The following FKRP variants were observed in gnomAD, a reference collection of about 807,000 sequenced individuals.
FKRP encodes the protein fukutin related protein, also known as ribitol 5-phosphate transferase FKRP.
A neutral mutation model predicts 30.6 loss-of-function variants in FKRP; 25 were observed. The ratio of observed to expected loss-of-function variants is 0.82; its 90% CI spans 0.60 to 1.14. The LOEUF is 1.14. FKRP is among the 50% of genes most tolerant of loss of function. The pLI, the probability that FKRP is intolerant of heterozygous loss-of-function variation, is 0.00. For missense variants in FKRP, 771 were observed against 727.8 expected (o/e 1.06, Z -0.68); for synonymous variants, 358 against 342.5 (o/e 1.05, Z -0.50).
chr19:46,756,802 C>T lies in FKRP; in HGVS notation c.1352C>T (p.Pro451Leu), dbSNP rs886044542. 3.1e-5 allele frequency: 50 copies of T among 1,601,030 alleles called. No individual in the cohort carries two copies. The highest frequency in any genetic ancestry group is 8.6e-5 in the Admixed American group (5 of 57,940). Residue 451 changes from proline to leucine, a missense_variant, in exon 4 of 4, where the codon CCC becomes CTC. Transcript: ENST00000318584. The surrounding 1 kb of genome is among the most constrained non-coding windows in gnomAD (Gnocchi z 6.6). ...FPEHFLQPLV[P>L]LPFAGFVAQA... ...GAGCACTTCCTGCAGCCGCTGGTGC[C>T]CCTGCCCTTTGCCGGCTTCGTGGCG...
chr19:46,748,885 G>A (rs1053754393), intron 3 of FKRP: 2 of 152,206 alleles, frequency 1.3e-5, no homozygotes, highest in Non-Finnish European at 2.9e-5. Context: ...GGGATTACAG[G>A]TGCGCACCAC....
chr19:46,749,773 A>C (rs2054751442), intron 3 of FKRP, among the ~76,000 whole-genome samples: 1 of 150,680 alleles, frequency 6.6e-6, no homozygotes, highest in Non-Finnish European at 1.5e-5. Context: ...GCTGGAGTGC[A>C]GTGGCACAAT....
chr19:46,757,196 C>A lies in FKRP; in HGVS notation c.*258C>A. ...GGATATGCGTGGGGACATCCTGGGT[C>A]ATCTCAGTCATGGAGGGAGACGGGG... On this transcript the variant is annotated 3_prime_UTR_variant, in exon 4 of 4. Coordinates refer to ENST00000318584, the MANE Select transcript of FKRP (RefSeq NM_024301.5). 3 of 591,322 alleles carry A rather than the reference C, an allele frequency of 5.1e-6. No individual in the cohort carries two copies. Among genetic ancestry groups the A allele is most frequent in the East Asian group, 3.0e-5 (1 of 33,722 alleles). 36.6% of individuals were successfully genotyped at this position (591,322 alleles called of 1,614,324 possible).
intron 3 of FKRP, among the ~76,000 whole-genome samples, chr19:46,754,536 C>G (rs1401324746): frequency 8.0e-6 from 1 of 124,488 alleles, no homozygotes; most frequent in African/African-American, 3.1e-5. Context: ...AGATCACAGG[C>G]GTGAGTCACC....
chr19:46,746,041 C>CG, upstream of FKRP: 5 of 1,184,214 alleles, frequency 4.2e-6, no homozygotes, highest in South Asian at 2.3e-5. Context: ...GCCCCCCCGC[C>CG]GGCCGTCCCG....
chr19:46,754,411 T>TATGTTTC (rs1354448385), intron 3 of FKRP: 1 of 139,402 alleles, frequency 7.2e-6, no homozygotes, highest in African/African-American at 2.8e-5. Context: ...ATTTATTTTT[T>TATGTTTC]GAGACAGTCT....
In FKRP at chr19:46,755,911, G is replaced by C; in HGVS notation, c.461G>C (p.Arg154Pro). 1 of 1,526,576 alleles carries C rather than the reference G, an allele frequency of 6.6e-7. No individual in the cohort carries two copies. The highest frequency in any genetic ancestry group is 8.8e-7 in the Non-Finnish European group (1 of 1,142,258). 94.6% of individuals were successfully genotyped at this position (1,526,576 alleles called of 1,614,324 possible). A position where few individuals can be genotyped will look rare whatever the true frequency, so the allele number is the denominator to read the frequency against. ...MVEALRAGSARLVAAPVATAN... is the reference protein window; with the variant it reads ...MVEALRAGSAPLVAAPVATAN... Reference sequence around the variant, plus strand: ...GAGGCGCTCCGCGCAGGAAGCGCACGTCTGGTGGCCGCCCCGGTTGCCACG... The same window carrying C: ...GAGGCGCTCCGCGCAGGAAGCGCACCTCTGGTGGCCGCCCCGGTTGCCACG... Residue 154 changes from arginine (R) to proline (P), a missense_variant, in exon 4 of 4, where the codon CGT (arginine) becomes CCT (proline). Arg to Pro is a moderately radical substitution (Grantham distance 103). Transcript: ENST00000318584.
At chr19:46,746,038 C>G (rs1408769029), upstream of FKRP, 15 of 1,198,332 alleles carry the variant, frequency 1.3e-5, 1 homozygote, top group East Asian at 3.5e-5. Flanking sequence ...CCCGCCCCCC[C>G]GCCGGCCGTC....
rs2122609736 is a variant in FKRP at position 46,755,604 on chromosome 19, C to T, written c.154C>T (p.Leu52=). 6.2e-7 allele frequency: 1 copy of T among 1,606,084 alleles called. No homozygotes were observed. Among genetic ancestry groups the T allele is most frequent in the South Asian group, 1.1e-5 (1 of 90,054 alleles). The part of the protein sequence containing the change: ...ASAAGPRVTV[L]VREFEAFDNA... ...TGCTGCCGGCCCCCGTGTCACCGTC[C>T]TGGTGCGGGAGTTCGAGGCATTTGA... Residue 52 remains leucine, a synonymous_variant, in exon 4 of 4, where the codon CTG becomes TTG. Transcript: ENST00000318584.
At chr19:46,745,968 G>A (rs2122460513), upstream of FKRP, 2 of 689,714 alleles carry the variant, frequency 2.9e-6, no homozygotes, top group Non-Finnish European at 4.1e-6. Flanking sequence ...ACCCCGGAGT[G>A]CCCTCAGGAC....
chr19:46,748,984 C>T (rs536833886), intron 3 of FKRP: 24 of 152,334 alleles, frequency 1.6e-4, no homozygotes, highest in African/African-American at 5.5e-4. Context: ...CTCAGGTGAT[C>T]TGACCGCCTG....
intron 3 of FKRP, among the ~76,000 whole-genome samples, chr19:46,751,323 C>A (rs182126060): frequency 7.9e-5 from 12 of 152,192 alleles, no homozygotes; most frequent in African/African-American, 2.9e-4. Flanking sequence ...CTCAATCTCC[C>A]AAAGTGCTGG....
chr19:46,746,191 T>A, intron 1 of FKRP, 101 bp downstream of exon 1: 1 of 1,539,156 alleles, frequency 6.5e-7, no homozygotes, highest in Non-Finnish European at 8.7e-7. Context: ...CTTTCTCGGC[T>A]TCGAAGCGCG....
At chr19:46,755,168 T>G (rs1026242591) in intron 3 of FKRP, among the ~76,000 whole-genome samples, 1 of 146,960 alleles carries the variant, frequency 6.8e-6, no homozygotes, top group African/African-American at 2.6e-5. Flanking sequence ...TTTATGTTTC[T>G]ATTAGTTTGA....
intron 3 of FKRP, among the ~76,000 whole-genome samples, chr19:46,755,181 C>T (rs373521565): frequency 1.8e-4 from 22 of 124,934 alleles, no homozygotes; most frequent in African/African-American, 5.9e-4. Flanking sequence ...TAGTTTGACT[C>T]ACTCTGTTTA....
In FKRP at chr19:46,756,014, G is replaced by A; in HGVS notation, c.564G>A (p.Ala188=). The change falls in exon 4 of 4, where the codon GCG becomes GCA. Residue 188 remains alanine, a synonymous_variant. Transcript: ENST00000318584. The surrounding 1 kb of genome is among the most constrained non-coding windows in gnomAD (Gnocchi z 6.6). ...CCCGCTATGGCGCAGCCCCCGCCGC[G>A]CCCCGCTGCGACGCCCTGGACGGAG... is the stretch of plus-strand genomic sequence containing the variant. ...WTARYGAAPA[A]PRCDALDGDA... 6.4e-7 allele frequency: 1 copy of A among 1,570,216 alleles called. No homozygotes were observed. The highest frequency in any genetic ancestry group is 8.6e-7 in the Non-Finnish European group (1 of 1,166,908).
chr19:46,757,030 G>A lies in FKRP; in HGVS notation c.*92G>A, dbSNP rs989542748. On this transcript the variant is annotated 3_prime_UTR_variant, in exon 4 of 4. Coordinates refer to ENST00000318584, the MANE Select transcript of FKRP (RefSeq NM_024301.5). ...GTGAGGGGTGGAGGGATGTCGCGGAGAGGGGAAGGGGGAAACTGACCAAGA... is the reference window on the plus strand; with the variant it reads ...GTGAGGGGTGGAGGGATGTCGCGGAAAGGGGAAGGGGGAAACTGACCAAGA... The A allele has an allele frequency of 6.6e-7, 1 of 1,516,214 alleles. No homozygotes were observed. The highest frequency in any genetic ancestry group is 9.0e-7 in the Non-Finnish European group (1 of 1,106,180). 93.9% of individuals were successfully genotyped at this position (1,516,214 alleles called of 1,614,324 possible).
Position 46,746,688 on chromosome 19 carries a change from C to T in FKRP, c.-253+598C>T, listed in dbSNP as rs369487077. The T allele has an allele frequency of 1.7e-3, 258 of 152,922 alleles. 1 individual carries two copies. Among genetic ancestry groups the T allele is most frequent in the African/African-American group, 5.5e-3 (229 of 41,572 alleles). The allele number at this position is 152,922 out of a possible 1,614,324, so 9.5% of individuals were successfully genotyped here. ...ACCCAGGCCCCGCGCGACGGTCCCC[C>T]TCGCTGGAGTGAGACTGAGGAAGGG... On this transcript the variant is annotated intron_variant, in intron 1 of 3. Transcript: ENST00000318584.
intron 3 of FKRP, among the ~76,000 whole-genome samples, chr19:46,749,509 G>A (rs1230050997): frequency 3.9e-4 from 58 of 147,684 alleles, no homozygotes; most frequent in Non-Finnish European, 7.6e-4. Flanking sequence ...GGCGGATCAC[G>A]AGGTCAGGAG....
Sources: allele counts gnomAD v4.1 joint callset (sites outside exome capture counted in the v4.1 genomes callset), GRCh38; gene constraint gnomAD v4.1.1; non-coding constraint Gnocchi (gnomAD v3.1); transcripts MANE v1.5; gene names NCBI Gene and HGNC (gene_info 2026-07-23, HGNC 2026-07-21).